SH3PXD2A: variants seen among roughly 807,000 people sequenced by gnomAD.
SH3PXD2A encodes SH3 and PX domain-containing protein 2A.
Under a neutral mutation model 115.2 loss-of-function variants are expected in SH3PXD2A, and 32 were observed. The ratio of observed to expected loss-of-function variants is 0.28; its 90% CI spans 0.21 to 0.37. The LOEUF is 0.37. Ranked by LOEUF, SH3PXD2A falls within the 10% of genes least tolerant of loss-of-function variation. SH3PXD2A has a pLI of 1.00. For synonymous variants in SH3PXD2A, 610 were observed against 629.1 expected (o/e 0.97, Z 0.45); for missense variants, 1,328 against 1,498.7 (o/e 0.89, Z 1.88).
At chr10:103,792,951 A>G (rs1292711041) in intron 2 of SH3PXD2A, among the ~76,000 whole-genome samples, 1 of 152,120 alleles carries the variant, frequency 6.6e-6, no homozygotes, top group Non-Finnish European at 1.5e-5. Context: ...TGATTTTTAT[A>G]ATGAGTTTCA....
chr10:103,608,150 T>TAAAAAAAAAAAAAAAAAGTTTAA (rs768102863), intron 13 of SH3PXD2A, among the ~76,000 whole-genome samples: 5 of 32,642 alleles, frequency 1.5e-4, no homozygotes, highest in African/African-American at 2.4e-4. Flanking sequence ...ATGATCAATT[T>TAAAAAAAAAAAAAAAAAGTTTAA]AAAAAAAAAA....
chr10:103,624,580 C>T (rs1185322157), intron 9 of SH3PXD2A, among the ~76,000 whole-genome samples: 1 of 152,218 alleles, frequency 6.6e-6, no homozygotes, highest in Non-Finnish European at 1.5e-5. Context: ...CATGAACATA[C>T]ATCAAAGTGT....
intron 6 of SH3PXD2A, among the ~76,000 whole-genome samples, chr10:103,692,294 C>T (rs1454406338): frequency 6.6e-6 from 1 of 152,152 alleles, no homozygotes; most frequent in Non-Finnish European, 1.5e-5. Context: ...ACCCTCAGCC[C>T]ACAGCTCCGA....
intron 5 of SH3PXD2A, among the ~76,000 whole-genome samples, chr10:103,703,800 A>C (rs892039585): frequency 6.7e-6 from 1 of 149,818 alleles, no homozygotes; most frequent in Admixed American, 6.8e-5. Context: ...ATTGGACAGT[A>C]CAGTCCAGAC....
At chr10:103,764,928 T>C (rs143973221) in intron 3 of SH3PXD2A, among the ~76,000 whole-genome samples, 9 of 152,296 alleles carry the variant, frequency 5.9e-5, no homozygotes, top group African/African-American at 9.6e-5. Flanking sequence ...AGATTATATA[T>C]GTAAATTGTG....
rs772833585 is a variant in SH3PXD2A, at chr10:103,627,101, T to C, written c.706A>G (p.Lys236Glu). The C allele has an allele frequency of 3.7e-6, 6 of 1,602,834 alleles. No homozygotes were observed. The East Asian group carries it at 1.1e-4, about 30-fold the overall frequency. The change falls in exon 9 of 15, where the codon AAG becomes GAG. Residue 236 changes from lysine to glutamate, a missense_variant. By Grantham distance (56) the Lys-to-Glu change is moderately conservative. Around this residue, in one of 5 missense-constraint regions of SH3PXD2A, gnomAD observed 509 missense variants for 628.3 expected, o/e 0.81. Transcript: ENST00000369774. This position sits in a 1 kb window ranked among gnomAD's most constrained non-coding sequence, Gnocchi z 4.4. ...TRDDSDINTSKTGEVSKRRKA... is the reference protein window; with the variant it reads ...TRDDSDINTSETGEVSKRRKA... ...TGCAAGCCCTCACCTTCTCCAGTCTTAGAGGTGTTGATGTCGGAGTCATCC... is the reference window on the plus strand; with the variant it reads ...TGCAAGCCCTCACCTTCTCCAGTCTCAGAGGTGTTGATGTCGGAGTCATCC...
chr10:103,779,103 C>T (rs1337605377), intron 2 of SH3PXD2A, among the ~76,000 whole-genome samples: 1 of 152,168 alleles, frequency 6.6e-6, no homozygotes, highest in Admixed American at 6.5e-5. Context: ...GAGTCTTGCT[C>T]CGTCGCCCAG....
chr10:103,835,848 T>C (rs1230120816), intron 1 of SH3PXD2A, among the ~76,000 whole-genome samples: 1 of 152,182 alleles, frequency 6.6e-6, no homozygotes, highest in African/African-American at 2.4e-5. Context: ...TGGCCTTCAC[T>C]GAAGCCAGAA....
At chr10:103,640,071 T>C (rs555743489) in intron 8 of SH3PXD2A, among the ~76,000 whole-genome samples, 17 of 152,264 alleles carry the variant, frequency 1.1e-4, no homozygotes, top group Middle Eastern at 3.4e-3. Flanking sequence ...TCCCAGCATT[T>C]TGGGAGGCCG....
chr10:103,611,859 T>C (rs1412277744), intron 12 of SH3PXD2A, among the ~76,000 whole-genome samples: 2 of 152,196 alleles, frequency 1.3e-5, no homozygotes, highest in African/African-American at 4.8e-5. Context: ...CTATGAACAC[T>C]CTAAAATTAT....
intron 5 of SH3PXD2A, among the ~76,000 whole-genome samples, chr10:103,717,409 G>C (rs907815601): frequency 1.7e-4 from 26 of 152,200 alleles, no homozygotes; most frequent in African/African-American, 6.0e-4. Flanking sequence ...AGGGGCCCAA[G>C]CTGAGTCTGG....
rs867154113 is a variant in SH3PXD2A, at chr10:103,594,057, G to A, written c.*7759C>T. ...TTAAAAAGGCCCAAAACTTTATTTA[G>A]TTTTCAGGGAAATATAAGATGCATG... On this transcript the variant is annotated 3_prime_UTR_variant, in exon 15 of 15. Transcript: ENST00000369774. 3.3e-5 allele frequency: 5 copies of A among 152,534 alleles called. No individual in the cohort carries two copies. The highest frequency in any genetic ancestry group is 3.2e-3 in the Middle Eastern group (1 of 316). 9.4% of individuals were successfully genotyped at this position (152,534 alleles called of 1,614,324 possible). A position where few individuals can be genotyped will look rare whatever the true frequency, so the allele number is the denominator to read the frequency against.
chr10:103,707,370 A>C (rs1001057564), intron 5 of SH3PXD2A, among the ~76,000 whole-genome samples: 1 of 151,660 alleles, frequency 6.6e-6, no homozygotes, highest in Non-Finnish European at 1.5e-5. Flanking sequence ...TAATTTTTGT[A>C]TTTTTAGTAG....
chr10:103,811,114 T>C (rs1157736144), intron 1 of SH3PXD2A, among the ~76,000 whole-genome samples: 1 of 152,242 alleles, frequency 6.6e-6, no homozygotes, highest in Admixed American at 6.5e-5. Flanking sequence ...ATGAACGTGC[T>C]GCGGTTGGCC....
At chr10:103,761,932 A>C (rs974367650) in intron 3 of SH3PXD2A, among the ~76,000 whole-genome samples, 1 of 151,846 alleles carries the variant, frequency 6.6e-6, no homozygotes, top group Non-Finnish European at 1.5e-5. Flanking sequence ...ATGGGGATAA[A>C]GCCACCTGCA....
At chr10:103,814,009 AAAAAAACAAC>A (rs1309351592) in intron 1 of SH3PXD2A, among the ~76,000 whole-genome samples, 2 of 136,370 alleles carry the variant, frequency 1.5e-5, no homozygotes, top group African/African-American at 5.4e-5. Context: ...TAAAAAAAAA[AAAAAAACAAC>A]AAAAAAAAAA....
intron 2 of SH3PXD2A, among the ~76,000 whole-genome samples, chr10:103,772,531 G>C (rs1399000359): frequency 1.3e-5 from 2 of 152,234 alleles, no homozygotes; most frequent in Non-Finnish European, 2.9e-5. Flanking sequence ...AGAGGCATTT[G>C]GCTAATGGAG....
chr10:103,778,996 T>C (rs933305650), intron 2 of SH3PXD2A, among the ~76,000 whole-genome samples: 1 of 152,230 alleles, frequency 6.6e-6, no homozygotes, highest in African/African-American at 2.4e-5. Context: ...TGGCCAGCTC[T>C]GAGCCTGGCT....
At chr10:103,836,982 C>T (rs757804783) in intron 1 of SH3PXD2A, among the ~76,000 whole-genome samples, 6 of 152,126 alleles carry the variant, frequency 3.9e-5, no homozygotes, top group African/African-American at 1.4e-4. Flanking sequence ...TGATGAGTGA[C>T]GGATGAAGAT....
Sources: allele counts gnomAD v4.1 joint callset (sites outside exome capture counted in the v4.1 genomes callset), GRCh38; gene constraint gnomAD v4.1.1; regional missense constraint gnomAD v4.1.1; non-coding constraint Gnocchi (gnomAD v3.1); transcripts MANE v1.5; gene names NCBI Gene and HGNC (gene_info 2026-07-23, HGNC 2026-07-21).